Variants in CHORDC1 observed in about 807,000 individuals in gnomAD.
CHORDC1 encodes cysteine and histidine-rich domain-containing protein 1.
CHORDC1 carries 25 observed loss-of-function variants against 48.3 expected under a neutral mutation model. The ratio of observed to expected loss-of-function variants is 0.52; its 90% CI spans 0.38 to 0.72. CHORDC1 has a LOEUF of 0.72. CHORDC1 is among the 30% of genes least tolerant of loss of function. CHORDC1 has a pLI of 0.00. For synonymous variants in CHORDC1, 128 were observed against 126.4 expected (o/e 1.01, Z -0.09); for missense variants, 317 against 388.7 (o/e 0.82, Z 1.55).
At chr11:90,205,424 TA>T (rs749133217) in intron 8 of CHORDC1, 35 bp downstream of exon 8, 1 of 1,160,022 alleles carries the variant, frequency 8.6e-7, no homozygotes, top group South Asian at 1.3e-5. Flanking sequence ...CAGATGAATA[TA>T]AACCCAGTGT....
intron 2 of CHORDC1, chr11:90,216,564 T>G: frequency 2.3e-6 from 1 of 439,406 alleles, no homozygotes; most frequent in Admixed American, 2.6e-5. Flanking sequence ...CTTTAAGAAA[T>G]GGTTATAAAA....
intron 4 of CHORDC1, chr11:90,212,271 A>G (rs1412274939): frequency 6.8e-6 from 1 of 146,336 alleles, no homozygotes; most frequent in East Asian, 2.1e-4. Flanking sequence ...TGTTCTCATG[A>G]TAGTGAATAA....
intron 8 of CHORDC1, among the ~76,000 whole-genome samples, chr11:90,205,127 T>C (rs935697838): frequency 6.6e-5 from 10 of 152,074 alleles, no homozygotes; most frequent in African/African-American, 1.7e-4. Flanking sequence ...ATCAAATTCA[T>C]AGAAAAGTAA....
At chr11:90,203,979 T>C (rs1320449559) in intron 8 of CHORDC1, among the ~76,000 whole-genome samples, 3 of 152,130 alleles carry the variant, frequency 2.0e-5, no homozygotes, top group Non-Finnish European at 4.4e-5. Context: ...TACATACCAG[T>C]AGTATACTAT....
At chr11:90,210,405 G>A (rs1373054500) in intron 6 of CHORDC1, 131 bp downstream of exon 6, 2 of 635,360 alleles carry the variant, frequency 3.1e-6, no homozygotes, top group South Asian at 3.9e-5. Flanking sequence ...CATGATTGTA[G>A]CCCTAGTCCC....
At position 90,201,694 on chromosome 11, in the gene CHORDC1, G is replaced by C. The variant is rs557569208; in HGVS notation, c.*711C>G. 1 of 152,478 alleles carries C rather than the reference G, an allele frequency of 6.6e-6. No homozygotes were observed. The highest frequency in any genetic ancestry group is 1.9e-4 in the East Asian group (1 of 5,174). The allele number at this position is 152,478 out of a possible 1,614,324, so 9.4% of individuals were successfully genotyped here. A position where few individuals can be genotyped will look rare whatever the true frequency, so the allele number is the denominator to read the frequency against. On this transcript the variant is annotated 3_prime_UTR_variant, in exon 11 of 11. Coordinates refer to ENST00000320585, the MANE Select transcript of CHORDC1 (RefSeq NM_012124.3). ...CAAACACATTTAAATATTCAGGAAA[G>C]AGGTTGTTAAGATTATTGCTTAGTC...
intron 1 of CHORDC1, among the ~76,000 whole-genome samples, chr11:90,221,079 T>C (rs187499772): frequency 6.6e-5 from 10 of 152,052 alleles, no homozygotes; most frequent in Non-Finnish European, 1.5e-4. Flanking sequence ...ACGGTAATTA[T>C]GCCACAGCAC....
intron 1 of CHORDC1, chr11:90,222,435 G>A: frequency 2.8e-6 from 1 of 360,342 alleles, no homozygotes; most frequent in Non-Finnish European, 5.4e-6. Flanking sequence ...TACATGCTAG[G>A]ACAACCCGCT....
At position 90,223,028 on chromosome 11, in the gene CHORDC1, C is replaced by T. The variant is rs1221928336; in HGVS notation, c.-74G>A. 2 of 1,310,644 alleles carry T rather than the reference C, an allele frequency of 1.5e-6. No individual in the cohort carries two copies. The highest frequency in any genetic ancestry group is 1.2e-5 in the South Asian group (1 of 82,742). 81.2% of individuals were successfully genotyped at this position (1,310,644 alleles called of 1,614,324 possible). A position where few individuals can be genotyped will look rare whatever the true frequency, so the allele number is the denominator to read the frequency against. On this transcript the variant is annotated 5_prime_UTR_variant, in exon 1 of 11. Coordinates refer to ENST00000320585, the MANE Select transcript of CHORDC1 (RefSeq NM_012124.3). ...GAGGATGCGTTTGCCACTCCCGTGTCGCTAGCACCGGTCTGACGACTGAGG... is the reference window on the plus strand; with the variant it reads ...GAGGATGCGTTTGCCACTCCCGTGTTGCTAGCACCGGTCTGACGACTGAGG...
intron 1 of CHORDC1, among the ~76,000 whole-genome samples, chr11:90,220,933 T>A (rs1858154863): frequency 1.3e-5 from 2 of 152,222 alleles, no homozygotes; most frequent in East Asian, 1.9e-4. Context: ...GTTTAACATA[T>A]GTAAGTTACC....
chr11:90,201,115 T>C lies in CHORDC1; in HGVS notation c.*1290A>G, dbSNP rs1234803966. On this transcript the variant is annotated 3_prime_UTR_variant, in exon 11 of 11. Transcript: ENST00000320585. ...GCTAATGGTAGTAGAATGATACATATGTTTTATTCACGAAAATAGTACTTC... is the reference window on the plus strand; with the variant it reads ...GCTAATGGTAGTAGAATGATACATACGTTTTATTCACGAAAATAGTACTTC... The C allele has an allele frequency of 1.3e-5, 2 of 152,016 alleles. No individual in the cohort carries two copies. The highest frequency in any genetic ancestry group is 2.4e-5 in the African/African-American group (1 of 41,448). The allele number at this position is 152,016 out of a possible 1,614,324, so 9.4% of individuals were successfully genotyped here.
chr11:90,207,747 G>A, intron 6 of CHORDC1: 1 of 54,006 alleles, frequency 1.9e-5, no homozygotes, highest in African/African-American at 7.6e-5. Flanking sequence ...ACACACACTA[G>A]AATGGTTAAA....
chr11:90,205,088 GAAT>G (rs1291357706), intron 8 of CHORDC1, among the ~76,000 whole-genome samples: 2 of 148,632 alleles, frequency 1.3e-5, no homozygotes, highest in Non-Finnish European at 3.0e-5. Context: ...GTGGCCAAAA[GAAT>G]AACAGAGGTC....
chr11:90,214,358 G>A (rs1398443457), intron 3 of CHORDC1, among the ~76,000 whole-genome samples, 183 bp from the exon 4 acceptor site: 1 of 151,842 alleles, frequency 6.6e-6, no homozygotes, highest in Non-Finnish European at 1.5e-5. Flanking sequence ...TCTGAATGAC[G>A]GCTTTTTTAA....
intron 1 of CHORDC1, among the ~76,000 whole-genome samples, chr11:90,220,997 A>G (rs550463706): frequency 2.6e-5 from 4 of 152,244 alleles, no homozygotes; most frequent in African/African-American, 9.6e-5. Flanking sequence ...AAAACGTTCT[A>G]TCAGCTTAAA....
At chr11:90,216,823 T>C (rs1335068714) in intron 2 of CHORDC1, among the ~76,000 whole-genome samples, 2 of 152,100 alleles carry the variant, frequency 1.3e-5, no homozygotes, top group Non-Finnish European at 2.9e-5. Flanking sequence ...TAGAAATATG[T>C]TGTAAGAGCC....
chr11:90,206,663 A>C (rs1857699743), intron 6 of CHORDC1: 1 of 562,184 alleles, frequency 1.8e-6, no homozygotes, highest in South Asian at 1.7e-5. Context: ...TTGTCAAATA[A>C]TATGAGAAAT....
At chr11:90,205,438 T>G (rs776972026) in intron 8 of CHORDC1, 22 bp downstream of exon 8, 1 of 1,249,208 alleles carries the variant, frequency 8.0e-7, no homozygotes, top group Non-Finnish European at 1.2e-6. Flanking sequence ...CCCAGTGTGC[T>G]ATTTTTGGAA....
At chr11:90,208,803 A>T (rs1468008094) in intron 6 of CHORDC1, 2 of 152,144 alleles carry the variant, frequency 1.3e-5, no homozygotes, top group African/African-American at 4.8e-5. Flanking sequence ...TCCTTTAACA[A>T]ACTTCAATGT....
Sources: allele counts gnomAD v4.1 joint callset (sites outside exome capture counted in the v4.1 genomes callset), GRCh38; gene constraint gnomAD v4.1.1; transcripts MANE v1.5; gene names NCBI Gene and HGNC (gene_info 2026-07-23, HGNC 2026-07-21).